Variants in PHACTR1 observed in about 807,000 individuals in gnomAD.
PHACTR1 encodes the protein RPEL repeat containing 1.
Under a neutral mutation model 69.2 loss-of-function variants are expected in PHACTR1, and 16 were observed. That is an observed-to-expected ratio of 0.23 (90% CI 0.16 to 0.35). The LOEUF is 0.35. Among genes scored for constraint, PHACTR1 ranks in the 10% least tolerant of loss-of-function variants. The pLI, the probability that PHACTR1 is intolerant of heterozygous loss-of-function variation, is 1.00. For missense variants in PHACTR1, 510 were observed against 734.7 expected, an observed-to-expected ratio of 0.69 and a Z score of 3.54; for synonymous variants, 312 against 284.5, an observed-to-expected ratio of 1.10 and a Z score of -0.97.
intron 9 of PHACTR1, among the ~76,000 whole-genome samples, chr6:13,229,523 T>C (rs9357643): frequency 6.6e-6 from 1 of 152,266 alleles, no homozygotes; most frequent in East Asian, 1.9e-4. Context: ...CCGCCTACCT[T>C]TTTTCTCCTT....
intron 4 of PHACTR1, among the ~76,000 whole-genome samples, chr6:12,924,794 AT>A (rs1465001371): frequency 1.4e-5 from 2 of 145,616 alleles, no homozygotes; most frequent in African/African-American, 2.5e-5. Flanking sequence ...AAAAAAAAAA[AT>A]TTAAACTATA....
rs202146787 is a variant in PHACTR1 at position 12,825,130 on chromosome 6, G to C, written c.250+75340G>C. Among the ~76,000 whole-genome samples the C allele has an allele frequency of 9.9e-5, 15 of 151,154 alleles. No homozygotes were observed. In the South Asian group the frequency reaches 2.9e-3, roughly 30 times the overall value. ...TCCCATCTCCACACACACACACACAGACACACACACACACATTTAATTTAA... is the reference window on the plus strand; with the variant it reads ...TCCCATCTCCACACACACACACACACACACACACACACACATTTAATTTAA... On this transcript the variant is annotated intron_variant, in intron 4 of 14. Coordinates refer to ENST00000332995, the MANE Select transcript of PHACTR1 (RefSeq NM_030948.6).
chr6:13,188,170 T>C (rs1330368346), intron 7 of PHACTR1, among the ~76,000 whole-genome samples: 1 of 152,224 alleles, frequency 6.6e-6, no homozygotes, highest in Non-Finnish European at 1.5e-5. Context: ...TACTATGTAG[T>C]ACCTGGTAAC....
intron 7 of PHACTR1, among the ~76,000 whole-genome samples, chr6:13,202,844 T>C (rs1183128685): frequency 1.3e-5 from 2 of 152,106 alleles, no homozygotes; most frequent in African/African-American, 4.8e-5. Context: ...TGGTGTTGAG[T>C]TTTTCCGTGT....
intron 4 of PHACTR1, among the ~76,000 whole-genome samples, chr6:12,909,157 T>C (rs1189696078): frequency 6.6e-6 from 1 of 152,024 alleles, no homozygotes; most frequent in Non-Finnish European, 1.5e-5. Context: ...AAAAACAAAA[T>C]TTTTTTTCTT....
At chr6:13,045,099 A>G (rs548226773) in intron 4 of PHACTR1, among the ~76,000 whole-genome samples, 3 of 152,306 alleles carry the variant, frequency 2.0e-5, no homozygotes, top group East Asian at 1.9e-4. Flanking sequence ...CAAAGATTCA[A>G]AAAGCCAGAC....
At chr6:12,873,783 G>T (rs1382259609) in intron 4 of PHACTR1, among the ~76,000 whole-genome samples, 3 of 149,756 alleles carry the variant, frequency 2.0e-5, no homozygotes, top group Non-Finnish European at 3.0e-5. Context: ...AGGATGTAAG[G>T]GAGAGGACTT....
At chr6:12,725,879 T>C (rs1036006882) in intron 3 of PHACTR1, among the ~76,000 whole-genome samples, 2 of 152,150 alleles carry the variant, frequency 1.3e-5, no homozygotes, top group African/African-American at 4.8e-5. Context: ...AAAGAATTTT[T>C]AAAAAAATTT....
intron 5 of PHACTR1, among the ~76,000 whole-genome samples, chr6:13,060,735 G>A (rs1807551666): frequency 6.6e-6 from 1 of 152,176 alleles, no homozygotes; most frequent in South Asian, 2.1e-4. Context: ...GAACGTACAG[G>A]GTGAAGTCCA....
At chr6:12,916,019 CTG>C (rs1373669147) in intron 4 of PHACTR1, among the ~76,000 whole-genome samples, 2 of 152,200 alleles carry the variant, frequency 1.3e-5, no homozygotes, top group East Asian at 1.9e-4. Flanking sequence ...CCAGGCAAAA[CTG>C]TGCGTGGAGA....
At chr6:12,754,121 C>T (rs1410315681) in intron 4 of PHACTR1, among the ~76,000 whole-genome samples, 1 of 130,662 alleles carries the variant, frequency 7.7e-6, no homozygotes, top group African/African-American at 2.9e-5. Context: ...TGCCACCACG[C>T]CTGGCTATTT....
chr6:12,841,819 A>G (rs1369998721), intron 4 of PHACTR1, among the ~76,000 whole-genome samples: 1 of 152,174 alleles, frequency 6.6e-6, no homozygotes, highest in Non-Finnish European at 1.5e-5. Context: ...TATCTGCAGT[A>G]TCTGTTGTGG....
chr6:13,115,858 A>T (rs1416291329), intron 5 of PHACTR1, among the ~76,000 whole-genome samples: 1 of 152,174 alleles, frequency 6.6e-6, no homozygotes, highest in Non-Finnish European at 1.5e-5. Context: ...GGATGAGAAC[A>T]CATTTCTTCT....
chr6:13,199,405 A>C (rs992927646), intron 7 of PHACTR1, among the ~76,000 whole-genome samples: 1 of 151,244 alleles, frequency 6.6e-6, no homozygotes, highest in Non-Finnish European at 1.5e-5. Context: ...AAAAAAAAAA[A>C]AAAAAAACAT....
At chr6:12,822,377 C>T (rs1388573753) in intron 4 of PHACTR1, among the ~76,000 whole-genome samples, 1 of 152,116 alleles carries the variant, frequency 6.6e-6, no homozygotes, top group East Asian at 1.9e-4. Context: ...CCACGAGGAG[C>T]CATCCAGAAA....
intron 5 of PHACTR1, among the ~76,000 whole-genome samples, chr6:13,095,635 G>A (rs1035135619): frequency 4.6e-5 from 7 of 151,808 alleles, no homozygotes; most frequent in South Asian, 2.1e-4. Flanking sequence ...CTGGAAGGTC[G>A]TACAAAGATT....
chr6:13,084,713 C>T (rs1023922107), intron 5 of PHACTR1, among the ~76,000 whole-genome samples: 2 of 151,932 alleles, frequency 1.3e-5, no homozygotes, highest in African/African-American at 4.8e-5. Flanking sequence ...CAGTATCCTA[C>T]ATAACAATGT....
intron 6 of PHACTR1, among the ~76,000 whole-genome samples, chr6:13,167,387 C>T (rs1561930594): frequency 6.6e-6 from 1 of 152,162 alleles, no homozygotes; most frequent in South Asian, 2.1e-4. Context: ...GTGTAATTCA[C>T]GTGGATGTAT....
At chr6:12,854,705 A>G (rs1343595342) in intron 4 of PHACTR1, among the ~76,000 whole-genome samples, 3 of 152,196 alleles carry the variant, frequency 2.0e-5, no homozygotes, top group Non-Finnish European at 4.4e-5. Flanking sequence ...AAAAACAAAC[A>G]AGCCCATTAA....
Sources: gnomAD v4.1 joint callset for allele counts (sites outside exome capture counted in the v4.1 genomes callset) on GRCh38, gnomAD v4.1.1 for gene constraint, MANE v1.5 for transcripts, NCBI Gene and HGNC (gene_info 2026-07-23, HGNC 2026-07-21) for gene names.